Variants in LRRC7 observed in about 807,000 individuals in gnomAD.
LRRC7 encodes the protein leucine-rich repeat-containing protein 7.
In LRRC7, 23 loss-of-function variants were observed where a neutral mutation model predicts 175.7. The observed-to-expected ratio is 0.13, with a 90% CI of 0.09 to 0.19. The LOEUF is 0.19. LRRC7 is among the 10% of genes least tolerant of loss of function. LRRC7 has a pLI of 1.00. For missense variants in LRRC7, 1,354 were observed against 1,904.7 expected, an observed-to-expected ratio of 0.71 and a Z score of 5.38; for synonymous variants, 685 against 680.9, an observed-to-expected ratio of 1.01 and a Z score of -0.09.
At chr1:69,681,182 A>G (rs934581160) in intron 2 of LRRC7, among the ~76,000 whole-genome samples, 1 of 152,098 alleles carries the variant, frequency 6.6e-6, no homozygotes, top group Non-Finnish European at 1.5e-5. Context: ...GTTTAACACA[A>G]TGGCCTAGTT....
chr1:69,688,406 G>A (rs1157396999), intron 2 of LRRC7, among the ~76,000 whole-genome samples: 1 of 152,130 alleles, frequency 6.6e-6, no homozygotes, highest in Admixed American at 6.5e-5. Flanking sequence ...GTGGTCAGGA[G>A]CTTATGCAAC....
At chr1:70,114,709 G>T (rs564838741) in intron 26 of LRRC7, among the ~76,000 whole-genome samples, 2 of 152,032 alleles carry the variant, frequency 1.3e-5, no homozygotes, top group Non-Finnish European at 2.9e-5. Context: ...TTAAAGTGTG[G>T]TTTTATATGC....
chr1:69,636,287 A>G (rs2100404809), intron 1 of LRRC7, among the ~76,000 whole-genome samples: 1 of 152,100 alleles, frequency 6.6e-6, no homozygotes. Flanking sequence ...TGACAGTTTC[A>G]TCTGTTAGGC....
chr1:69,576,227 G>A (rs1280203949), intron 1 of LRRC7, among the ~76,000 whole-genome samples: 1 of 146,268 alleles, frequency 6.8e-6, no homozygotes, highest in Admixed American at 6.8e-5. Flanking sequence ...GTGACACTCT[G>A]AAAAAAAAAA....
intron 22 of LRRC7, among the ~76,000 whole-genome samples, chr1:70,045,828 G>T (rs2102046244): frequency 6.6e-6 from 1 of 152,242 alleles, no homozygotes. Flanking sequence ...GATTGCTTGT[G>T]CAGGGGAACT....
chr1:69,957,209 A>G (rs1650585620), intron 8 of LRRC7, among the ~76,000 whole-genome samples: 1 of 151,858 alleles, frequency 6.6e-6, no homozygotes, highest in Non-Finnish European at 1.5e-5. Flanking sequence ...AAGACAGGAT[A>G]ACTTTGGAAC....
chr1:69,577,773 G>T (rs2100902617), intron 1 of LRRC7, among the ~76,000 whole-genome samples: 1 of 152,242 alleles, frequency 6.6e-6, no homozygotes, highest in East Asian at 1.9e-4. Context: ...TGCTGTTTTG[G>T]TTACTGTAGC....
At chr1:69,708,855 G>A (rs535102701) in intron 2 of LRRC7, among the ~76,000 whole-genome samples, 12 of 152,212 alleles carry the variant, frequency 7.9e-5, no homozygotes, top group African/African-American at 2.9e-4. Context: ...AAACACACAA[G>A]ACCTTTTAAG....
chr1:69,960,816 T>C (rs941772110), intron 8 of LRRC7, among the ~76,000 whole-genome samples: 1 of 151,880 alleles, frequency 6.6e-6, no homozygotes, highest in East Asian at 1.9e-4. Flanking sequence ...AAACTAGGTG[T>C]TCAAGGAACA....
intron 7 of LRRC7, among the ~76,000 whole-genome samples, chr1:69,871,899 GT>G (rs1685588809): frequency 6.6e-6 from 1 of 151,874 alleles, no homozygotes; most frequent in South Asian, 2.1e-4. Context: ...AACCTTTAGA[GT>G]ATTTGCCAAA....
At chr1:69,666,348 G>A (rs1658268435) in intron 1 of LRRC7, among the ~76,000 whole-genome samples, 1 of 152,058 alleles carries the variant, frequency 6.6e-6, no homozygotes, top group African/African-American at 2.4e-5. Context: ...GAGTCTGAAA[G>A]TATTCCTTCC....
rs538057742 is a variant in LRRC7 at position 69,795,263 on chromosome 1, C to T, written c.421+3103C>T. Among the ~76,000 whole-genome samples the T allele has an allele frequency of 1.7e-3, 266 of 152,016 alleles. 3 individuals are homozygous for T. Among genetic ancestry groups the T allele is most frequent in the African/African-American group, 6.0e-3 (250 of 41,476 alleles). On this transcript the variant is annotated intron_variant, in intron 4 of 26. Transcript: ENST00000651989. ...GATGTGGTGGCACATGCCTGTAATC[C>T]CAGCTACTCAGGAGGTTGAGGCAGG... is the stretch of plus-strand genomic sequence containing the variant.
At position 70,126,182 on chromosome 1, in the gene LRRC7, A is replaced by G. The variant is rs922839874; in HGVS notation, c.*4295A>G. 2.6e-5 allele frequency among the ~76,000 whole-genome samples: 4 copies of G among 152,198 alleles called. No individual in the cohort carries two copies. In the East Asian group the frequency reaches 7.7e-4, roughly 29 times the overall value. On this transcript the variant is annotated 3_prime_UTR_variant, in exon 27 of 27. Transcript: ENST00000651989. ...ATACAACATAACCAGGTCAAAAGCC[A>G]TACTGAAATAGGACTACCACTCAAA... is the stretch of plus-strand genomic sequence containing the variant.
At chr1:70,102,509 T>A (rs1406417025) in intron 25 of LRRC7, among the ~76,000 whole-genome samples, 1 of 152,098 alleles carries the variant, frequency 6.6e-6, no homozygotes, top group East Asian at 1.9e-4. Flanking sequence ...GACCTTGAGT[T>A]GTAGATTGAG....
chr1:69,842,424 C>T (rs148351364), intron 7 of LRRC7, among the ~76,000 whole-genome samples: 32 of 152,040 alleles, frequency 2.1e-4, no homozygotes, highest in South Asian at 4.1e-4. Flanking sequence ...GTGTTAATTA[C>T]GAAACTATGA....
chr1:69,987,384 T>C (rs1654034421), intron 10 of LRRC7, among the ~76,000 whole-genome samples: 1 of 152,138 alleles, frequency 6.6e-6, no homozygotes, highest in African/African-American at 2.4e-5. Context: ...ATTAAATTAC[T>C]TAACTTTGTA....
chr1:69,717,803 AAAGAAAGAAAG>A (rs1295336413), intron 2 of LRRC7, among the ~76,000 whole-genome samples: 2 of 40,202 alleles, frequency 5.0e-5, no homozygotes, highest in Non-Finnish European at 9.0e-5. Context: ...AGAAAGAAAG[AAAGAAAGAAAG>A]AAAGAAAGAA....
At chr1:69,906,575 T>A (rs1281585280) in intron 7 of LRRC7, among the ~76,000 whole-genome samples, 1 of 152,200 alleles carries the variant, frequency 6.6e-6, no homozygotes, top group Admixed American at 6.5e-5. Context: ...GTTGTAGATA[T>A]GTGGCATGAT....
At chr1:70,059,485 GTGT>G (rs1661409831) in intron 23 of LRRC7, among the ~76,000 whole-genome samples, 1 of 150,556 alleles carries the variant, frequency 6.6e-6, no homozygotes, top group Non-Finnish European at 1.5e-5. Context: ...GTGTGTGTGT[GTGT>G]GTGTGTGTGT....
Sources: gnomAD v4.1 joint callset for allele counts (sites outside exome capture counted in the v4.1 genomes callset) on GRCh38, gnomAD v4.1.1 for gene constraint, MANE v1.5 for transcripts, NCBI Gene and HGNC (gene_info 2026-07-23, HGNC 2026-07-21) for gene names.